Variants in SLC1A1 observed in about 807,000 individuals in gnomAD.
SLC1A1 encodes solute carrier family 1 member 1, also known as excitatory amino acid transporter 3.
In SLC1A1, 43 loss-of-function variants were observed where a neutral mutation model predicts 53.3. The observed-to-expected ratio is 0.81, with a 90% confidence interval of 0.63 to 1.04. The LOEUF (loss-of-function observed/expected upper bound fraction) is 1.04, where lower values mean the gene tolerates loss of function less well. Among genes scored for constraint, SLC1A1 ranks in the 50% least tolerant of loss-of-function variants. SLC1A1 has a pLI of 0.00. For synonymous variants in SLC1A1, 307 were observed against 243.2 expected, an observed-to-expected ratio of 1.26 and a Z score of -2.44; for missense variants, 748 against 664.9, an observed-to-expected ratio of 1.12 and a Z score of -1.37.
At chr9:4,513,432 G>A (rs1165078948) in intron 1 of SLC1A1, among the ~76,000 whole-genome samples, 7 of 152,144 alleles carry the variant, frequency 4.6e-5, no homozygotes, top group Admixed American at 2.6e-4. Flanking sequence ...GTATACTGAT[G>A]GCAAATAAAC....
At chr9:4,547,054 A>G (rs753539818) in intron 2 of SLC1A1, among the ~76,000 whole-genome samples, 1 of 152,256 alleles carries the variant, frequency 6.6e-6, no homozygotes, top group African/African-American at 2.4e-5. Flanking sequence ...AAATACATGT[A>G]TGAATGTCTA....
chr9:4,544,068 C>T (rs954629931), intron 1 of SLC1A1, among the ~76,000 whole-genome samples: 9 of 151,970 alleles, frequency 5.9e-5, no homozygotes, highest in African/African-American at 2.2e-4. Flanking sequence ...CCTAGCTACT[C>T]GGGAGGCTGA....
rs376461488 is a variant in SLC1A1 at position 4,544,426 on chromosome 9, A to T, written c.92-141A>T. On this transcript the variant is annotated intron_variant, in intron 1 of 11. Coordinates refer to ENST00000262352, the MANE Select transcript of SLC1A1 (RefSeq NM_004170.6). ...CTTTTAAAATATAATTTCAGTCTAG[A>T]TTTTACAGACTCATGGGAAATGATC... is the stretch of plus-strand genomic sequence containing the variant. 242 of 756,386 alleles carry T rather than the reference A, an allele frequency of 3.2e-4. 4 individuals carry two copies. In the East Asian group the frequency reaches 4.1e-3, roughly 13 times the overall value. The allele number at this position is 756,386 out of a possible 1,614,324, so 46.9% of individuals were successfully genotyped here.
chr9:4,504,997 G>A (rs1586693744), intron 1 of SLC1A1, among the ~76,000 whole-genome samples: 1 of 151,450 alleles, frequency 6.6e-6, no homozygotes, highest in Non-Finnish European at 1.5e-5. Context: ...GTTTGGATTA[G>A]GTGGAGTTTC....
At chr9:4,554,650 G>C (rs1818211906) in intron 2 of SLC1A1, among the ~76,000 whole-genome samples, 1 of 152,226 alleles carries the variant, frequency 6.6e-6, no homozygotes, top group Non-Finnish European at 1.5e-5. Context: ...GAGACAGGAA[G>C]ATGGCACAAA....
intron 3 of SLC1A1, among the ~76,000 whole-genome samples, chr9:4,563,295 A>G (rs961654655): frequency 1.3e-5 from 2 of 152,112 alleles, no homozygotes; most frequent in African/African-American, 4.8e-5. Context: ...AGGCCAAGGG[A>G]CCCAGGAGGG....
chr9:4,515,649 T>G (rs562038419), intron 1 of SLC1A1, among the ~76,000 whole-genome samples: 2 of 152,038 alleles, frequency 1.3e-5, no homozygotes, highest in South Asian at 4.1e-4. Flanking sequence ...CTTATCCAGC[T>G]GGCTGAGTTC....
chr9:4,542,715 G>A (rs533411349), intron 1 of SLC1A1, among the ~76,000 whole-genome samples: 1 of 152,254 alleles, frequency 6.6e-6, no homozygotes, highest in Admixed American at 6.5e-5. Flanking sequence ...TAGAACAGCT[G>A]AACACAGGCA....
intron 1 of SLC1A1, among the ~76,000 whole-genome samples, chr9:4,508,552 G>A (rs970063922): frequency 1.3e-5 from 2 of 152,212 alleles, no homozygotes; most frequent in African/African-American, 4.8e-5. Flanking sequence ...GAATTGTCAT[G>A]TGTACAGCAC....
intron 1 of SLC1A1, among the ~76,000 whole-genome samples, chr9:4,519,024 C>T (rs1166556763): frequency 6.6e-6 from 1 of 152,164 alleles, no homozygotes; most frequent in East Asian, 1.9e-4. Context: ...CTTAGGGTCT[C>T]CAACCCCTTT....
chr9:4,539,494 T>G (rs543173609), intron 1 of SLC1A1, among the ~76,000 whole-genome samples: 65 of 151,940 alleles, frequency 4.3e-4, no homozygotes, highest in African/African-American at 1.5e-3. Flanking sequence ...ACTTTCATCT[T>G]TGAACTTAAA....
At chr9:4,515,047 C>T (rs1888280) in intron 1 of SLC1A1, among the ~76,000 whole-genome samples, 8,823 of 151,838 alleles carry the variant, frequency 0.058, 847 homozygotes, top group African/African-American at 0.2. Context: ...CTCTCTCTCT[C>T]CCCCAACCCC....
At position 4,576,654 on chromosome 9, in the gene SLC1A1, G is replaced by T; in HGVS notation, c.1084G>T (p.Gly362Cys). The change falls in exon 10 of 12, where the codon GGT becomes TGT. Residue 362 changes from glycine (G) to cysteine (C), a missense_variant. Gly to Cys is a radical substitution (Grantham distance 159). Coordinates refer to ENST00000262352, the MANE Select transcript of SLC1A1 (RefSeq NM_004170.6). The stretch of plus-strand genomic sequence containing the variant: ...GATCACTCGATTCGTGTTACCCGTT[G>T]GTGCAACAATCAACATGGATGGGAC... ...KRITRFVLPV[G>C]ATINMDGTAL... 1 of 1,614,026 alleles carries T rather than the reference G, an allele frequency of 6.2e-7. No individual in the cohort carries two copies.
At chr9:4,499,566 G>A (rs1186444690) in intron 1 of SLC1A1, among the ~76,000 whole-genome samples, 1 of 137,084 alleles carries the variant, frequency 7.3e-6, no homozygotes, top group Non-Finnish European at 1.6e-5. Context: ...AGGTATATAT[G>A]ACTCAAGTCT....
chr9:4,580,903 T>C (rs1485899559), intron 10 of SLC1A1, among the ~76,000 whole-genome samples: 1 of 152,142 alleles, frequency 6.6e-6, no homozygotes, highest in Non-Finnish European at 1.5e-5. Context: ...TGTTTGTTTT[T>C]TGTTTTATTT....
At chr9:4,510,459 G>C (rs1820963596) in intron 1 of SLC1A1, among the ~76,000 whole-genome samples, 1 of 152,188 alleles carries the variant, frequency 6.6e-6, no homozygotes, top group Non-Finnish European at 1.5e-5. Flanking sequence ...AATCCAGAAA[G>C]GTGTAAGGAG....
At chr9:4,518,565 C>T (rs975315146) in intron 1 of SLC1A1, among the ~76,000 whole-genome samples, 15 of 152,106 alleles carry the variant, frequency 9.9e-5, no homozygotes, top group Non-Finnish European at 2.2e-4. Flanking sequence ...TTGTGCTCTC[C>T]CTCTGTAGAC....
rs1815972729 is a variant in SLC1A1 at position 4,519,089 on chromosome 9, G to A, written c.92-25478G>A. ...GAACTGTTTATTAGTTTGCAGGACT[G>A]TTTATTAGACAACTACAAACGGAGC... On this transcript the variant is annotated intron_variant, in intron 1 of 11. Coordinates refer to ENST00000262352, the MANE Select transcript of SLC1A1 (RefSeq NM_004170.6). 3.9e-5 allele frequency among the ~76,000 whole-genome samples: 6 copies of A among 152,302 alleles called. No homozygotes were observed. In the South Asian group the frequency reaches 1.2e-3, roughly 32 times the overall value.
chr9:4,542,350 T>A (rs893425858), intron 1 of SLC1A1, among the ~76,000 whole-genome samples: 4 of 152,350 alleles, frequency 2.6e-5, no homozygotes, highest in Middle Eastern at 6.8e-3. Context: ...TGGCAACTCT[T>A]ATTTCTCCCT....
Sources: gnomAD v4.1 joint callset for allele counts (sites outside exome capture counted in the v4.1 genomes callset) on GRCh38, gnomAD v4.1.1 for gene constraint, MANE v1.5 for transcripts, NCBI Gene and HGNC (gene_info 2026-07-23, HGNC 2026-07-21) for gene names.